The following ABCA4 variants were observed in gnomAD, a reference collection of about 807,000 sequenced individuals.
ABCA4 encodes ATP binding cassette subfamily A member 4, also known as retinal-specific phospholipid-transporting ATPase ABCA4.
In ABCA4, 196 loss-of-function variants were observed where a neutral mutation model predicts 263.7. That is an observed-to-expected ratio of 0.74 (90% CI 0.66 to 0.84). The LOEUF (loss-of-function observed/expected upper bound fraction) is 0.84. Among genes scored for constraint, ABCA4 ranks in the 40% least tolerant of loss-of-function variants. The probability of loss-of-function intolerance (pLI) is 0.00; values close to 1 mark genes in which losing one functional copy is unlikely to be tolerated. For synonymous variants in ABCA4, 1,133 were observed against 1,094.2 expected (o/e 1.04, Z -0.70); for missense variants, 2,792 against 2,855.1 (o/e 0.98, Z 0.50).
intron 32 of ABCA4, among the ~76,000 whole-genome samples, chr1:94,022,794 C>T (rs937141867): frequency 6.6e-6 from 1 of 152,218 alleles, no homozygotes; most frequent in Admixed American, 6.5e-5. Flanking sequence ...CCACAGGTCC[C>T]TCTGGAGAGC....
intron 4 of ABCA4, among the ~76,000 whole-genome samples, chr1:94,105,418 G>C (rs1012490798): frequency 3.3e-5 from 5 of 152,096 alleles, no homozygotes; most frequent in South Asian, 4.2e-4. Flanking sequence ...CTGTGGCTCT[G>C]GGGGGGAAGG....
At chr1:94,062,778 G>A (rs1242740049) in intron 12 of ABCA4, 25 bp from the exon 13 acceptor site, 3 of 1,611,298 alleles carry the variant, frequency 1.9e-6, no homozygotes, top group African/African-American at 2.7e-5. Flanking sequence ...AGGGACAAAG[G>A]ATGGGAACGG....
At chr1:94,033,069 G>T (rs1315333283) in intron 26 of ABCA4, among the ~76,000 whole-genome samples, 1 of 152,148 alleles carries the variant, frequency 6.6e-6, no homozygotes, top group African/African-American at 2.4e-5. Flanking sequence ...ATTCTTACAA[G>T]ATACATAAAT....
chr1:94,043,724 A>G (rs544171607), intron 20 of ABCA4, among the ~76,000 whole-genome samples: 165 of 152,326 alleles, frequency 1.1e-3, no homozygotes, highest in Middle Eastern at 3.4e-3. Context: ...AAGAATATGT[A>G]ATGACATGAA....
chr1:94,090,932 G>A (rs972640938), intron 6 of ABCA4, among the ~76,000 whole-genome samples: 1 of 152,126 alleles, frequency 6.6e-6, no homozygotes, highest in South Asian at 2.1e-4. Context: ...ACCTGGGGAC[G>A]GGGAAGTGAC....
rs1367443683 is a variant in ABCA4 at position 94,001,033 on chromosome 1, C to T, written c.6355G>A (p.Glu2119Lys). 6.2e-7 allele frequency: 1 copy of T among 1,614,204 alleles called. No individual in the cohort carries two copies. The highest frequency in any genetic ancestry group is 1.1e-5 in the South Asian group (1 of 91,086). Residue 2119 changes from glutamate (E) to lysine (K), a missense_variant, in exon 46 of 50, where the codon GAA becomes AAA. Coordinates refer to ENST00000370225, the MANE Select transcript of ABCA4 (RefSeq NM_000350.3). Reference protein sequence around the residue: ...LWNVIVSIIREGRAVVLTSHS... With the variant: ...LWNVIVSIIRKGRAVVLTSHS... ...GATGTGAGGACCACAGCCCTCCCTT[C>T]TCTGATGATGCTCACGATGACGTTC...
intron 32 of ABCA4, among the ~76,000 whole-genome samples, chr1:94,023,116 T>A (rs759757532): frequency 3.9e-5 from 6 of 152,148 alleles, no homozygotes; most frequent in African/African-American, 1.2e-4. Flanking sequence ...ACTTGGAGGT[T>A]TTAGAAGCTT....
chr1:94,094,740 A>C (rs1380564150), intron 6 of ABCA4, among the ~76,000 whole-genome samples: 1 of 152,128 alleles, frequency 6.6e-6, no homozygotes, highest in Non-Finnish European at 1.5e-5. Flanking sequence ...GAGAGAAAAC[A>C]GGAAGGATGG....
chr1:94,111,883 G>A (rs1662614629), intron 2 of ABCA4, among the ~76,000 whole-genome samples: 1 of 152,236 alleles, frequency 6.6e-6, no homozygotes, highest in Non-Finnish European at 1.5e-5. Context: ...GGGCATAGGA[G>A]TGTTAGTTCA....
In ABCA4 at chr1:94,051,394, A is replaced by G. The variant is rs75331129; in HGVS notation, c.2653+239T>C. ...CAATTTAGTCTACTGGACAAGGTGT[A>G]CAGGACCCAGGGCTTCATCCATGAT... On this transcript the variant is annotated intron_variant, in intron 17 of 49. Transcript: ENST00000370225. Among the ~76,000 whole-genome samples, 1,877 of 152,334 alleles carry G rather than the reference A, an allele frequency of 0.012. 33 individuals carry two copies. Among genetic ancestry groups the G allele is most frequent in the African/African-American group, 0.043 (1,783 of 41,568 alleles).
intron 6 of ABCA4, among the ~76,000 whole-genome samples, chr1:94,092,122 G>C (rs1317436203): frequency 1.3e-5 from 2 of 152,228 alleles, no homozygotes; most frequent in Non-Finnish European, 2.9e-5. Context: ...TCTGGAAACA[G>C]TATTAATTTC....
Position 94,107,304 on chromosome 1 carries a change from C to T in ABCA4, c.442+1273G>A, listed in dbSNP as rs143259811. On this transcript the variant is annotated intron_variant, in intron 4 of 49. Coordinates refer to ENST00000370225, the MANE Select transcript of ABCA4 (RefSeq NM_000350.3). The stretch of plus-strand genomic sequence containing the variant: ...GTTTCCTGGGCAATCTCCCCCAGAG[C>T]AGCCTTTCCTCAGAGGGCACGCTCC... 8.6e-3 allele frequency among the ~76,000 whole-genome samples: 1,311 copies of T among 152,314 alleles called. 14 individuals are homozygous for T. Among genetic ancestry groups the T allele is most frequent in the Middle Eastern group, 0.024 (7 of 294 alleles).
Position 94,029,584 on chromosome 1 carries a change from G to A in ABCA4, c.4400C>T (p.Ser1467Phe), listed in dbSNP as rs1239531373. 6.2e-7 allele frequency: 1 copy of A among 1,613,922 alleles called. No individual in the cohort carries two copies. The highest frequency in any genetic ancestry group is 8.5e-7 in the Non-Finnish European group (1 of 1,179,962). ...NSTPWKTPSVSPNITQLFQKQ... is the reference protein window; with the variant it reads ...NSTPWKTPSVFPNITQLFQKQ... ...CTGGAACAGCTGGGTGATGTTTGGG[G>A]ACACAGAAGGAGTCTTCCAGGGTGT... Residue 1467 changes from serine (S) to phenylalanine (F), a missense_variant, in exon 30 of 50, where the codon TCC becomes TTC. Transcript: ENST00000370225.
chr1:94,018,270 A>T (rs1659792919), intron 36 of ABCA4, among the ~76,000 whole-genome samples: 1 of 152,160 alleles, frequency 6.6e-6, no homozygotes, highest in Non-Finnish European at 1.5e-5. Flanking sequence ...TTATCTTTTA[A>T]AAAAAGTAAA....
chr1:94,044,100 TCCTTCCTTCCTTCCTTCCTTCCTC>T (rs1660602440), intron 20 of ABCA4, among the ~76,000 whole-genome samples: 2 of 11,038 alleles, frequency 1.8e-4, no homozygotes, highest in Non-Finnish European at 0.01. Context: ...CTTCTTTCCT[TCCTTCCTTCCTTCCTTCCTTCCTC>T]CCTTCCTTCC....
intron 19 of ABCA4, 93 bp from the exon 20 acceptor site, chr1:94,044,837 A>C: frequency 2.9e-4 from 456 of 1,580,974 alleles, no homozygotes; most frequent in Non-Finnish European, 3.6e-4. Flanking sequence ...GAGAACTCTC[A>C]CAGATTCCTG....
At chr1:94,084,790 T>C (rs904260711) in intron 6 of ABCA4, among the ~76,000 whole-genome samples, 1 of 152,150 alleles carries the variant, frequency 6.6e-6, no homozygotes, top group African/African-American at 2.4e-5. Flanking sequence ...CTCTTCAAAC[T>C]CCTTCGAAAT....
chr1:94,036,174 C>G (rs1660331767), intron 26 of ABCA4, among the ~76,000 whole-genome samples: 1 of 151,728 alleles, frequency 6.6e-6, no homozygotes, highest in Non-Finnish European at 1.5e-5. Flanking sequence ...ACTGGGGATA[C>G]AGCATGAGGA....
rs770361685 is a variant in ABCA4, at chr1:94,001,798, C to G, written c.6282+60G>C. 3.1e-6 allele frequency: 5 copies of G among 1,612,990 alleles called. No individual in the cohort carries two copies. The East Asian group carries it at 1.1e-4, about 36-fold the overall frequency. ...ATCTGCCGACCCAGAACCTATTTCC[C>G]CAACCCAAGAGACCCAGCACTTGGT... On this transcript the variant is annotated intron_variant, in intron 45 of 49. Transcript: ENST00000370225.
Sources: allele counts gnomAD v4.1 joint callset (sites outside exome capture counted in the v4.1 genomes callset), GRCh38; gene constraint gnomAD v4.1.1; transcripts MANE v1.5; gene names NCBI Gene and HGNC (gene_info 2026-07-23, HGNC 2026-07-21).